COP1: variants seen among roughly 807,000 people sequenced by gnomAD.
COP1 encodes the protein E3 ubiquitin-protein ligase COP1.
A neutral mutation model predicts 101.3 loss-of-function variants in COP1; 24 were observed. That is an observed-to-expected ratio of 0.24 (90% CI 0.17 to 0.33). The LOEUF is 0.33. Ranked by LOEUF, COP1 falls within the 10% of genes least tolerant of loss-of-function variation. The pLI is 1.00. For missense variants in COP1, 663 were observed against 906.2 expected (o/e 0.73, Z 3.45); for synonymous variants, 347 against 341.9 (o/e 1.01, Z -0.17).
chr1:175,993,891 G>C (rs965749504), intron 15 of COP1, among the ~76,000 whole-genome samples: 28 of 152,074 alleles, frequency 1.8e-4, no homozygotes, highest in African/African-American at 6.8e-4. Flanking sequence ...GAAATATAGA[G>C]AACGCCACAA....
chr1:176,051,943 A>T (rs541303629), intron 11 of COP1, among the ~76,000 whole-genome samples: 5 of 152,216 alleles, frequency 3.3e-5, no homozygotes, highest in African/African-American at 1.2e-4. Flanking sequence ...AAGTTATAAA[A>T]TAAAAAGGTT....
chr1:176,118,739 G>A (rs1157946313), intron 8 of COP1, among the ~76,000 whole-genome samples: 1 of 152,082 alleles, frequency 6.6e-6, no homozygotes, highest in Non-Finnish European at 1.5e-5. Context: ...GCAAGAGAGA[G>A]GCCCTGTCTC....
intron 11 of COP1, among the ~76,000 whole-genome samples, chr1:176,076,073 G>T (rs1677943645): frequency 6.6e-6 from 1 of 150,820 alleles, no homozygotes. Context: ...GATCATGGAG[G>T]CAGAACACTA....
chr1:176,174,816 A>G (rs986468410), intron 3 of COP1, among the ~76,000 whole-genome samples: 3 of 152,150 alleles, frequency 2.0e-5, no homozygotes, highest in Non-Finnish European at 4.4e-5. Context: ...ATATAATCCC[A>G]AGAGTGCCCT....
chr1:176,120,723 GATT>G (rs1686976543), intron 8 of COP1, among the ~76,000 whole-genome samples: 2 of 152,090 alleles, frequency 1.3e-5, no homozygotes, highest in South Asian at 4.1e-4. Context: ...CTAGAAAGAA[GATT>G]ATTAAGTCAA....
At chr1:176,076,047 C>T (rs984333297) in intron 11 of COP1, among the ~76,000 whole-genome samples, 8 of 149,636 alleles carry the variant, frequency 5.3e-5, no homozygotes, top group African/African-American at 2.0e-4. Flanking sequence ...CAATACCCCA[C>T]TCACACCATT....
At chr1:176,097,236 A>C (rs951728839) in intron 9 of COP1, among the ~76,000 whole-genome samples, 4 of 152,138 alleles carry the variant, frequency 2.6e-5, no homozygotes, top group Non-Finnish European at 5.9e-5. Context: ...TGAAAAAAAA[A>C]CGACTGAATT....
chr1:176,071,298 G>A (rs1177624011), intron 11 of COP1, among the ~76,000 whole-genome samples: 1 of 151,916 alleles, frequency 6.6e-6, no homozygotes, highest in Admixed American at 6.6e-5. Flanking sequence ...CCATGATGAT[G>A]AGGCCTCCCT....
chr1:176,181,297 C>T (rs58305404), intron 2 of COP1, among the ~76,000 whole-genome samples: 8,992 of 152,062 alleles, frequency 0.059, 606 homozygotes, highest in African/African-American at 0.16. Context: ...TGCTTGAATC[C>T]AGCTTACCAG....
chr1:176,177,341 A>G (rs1270845643), intron 2 of COP1, among the ~76,000 whole-genome samples: 1 of 151,178 alleles, frequency 6.6e-6, no homozygotes, highest in East Asian at 1.9e-4. Context: ...GGTATGAGAA[A>G]AAAATATTAA....
At chr1:176,007,648 G>A (rs1663642624) in intron 15 of COP1, among the ~76,000 whole-genome samples, 3 of 152,034 alleles carry the variant, frequency 2.0e-5, no homozygotes. Context: ...CTCCCAGTTA[G>A]GCTGCTCAGG....
At chr1:176,174,203 A>G (rs1696588634) in intron 3 of COP1, among the ~76,000 whole-genome samples, 1 of 152,058 alleles carries the variant, frequency 6.6e-6, no homozygotes, top group African/African-American at 2.4e-5. Flanking sequence ...ATTCCTTTAT[A>G]TATTTAACCA....
chr1:176,065,784 T>TGCAACCTCCACCCCCTGGGTTCAA (rs1258465337), intron 11 of COP1, among the ~76,000 whole-genome samples: 4 of 148,598 alleles, frequency 2.7e-5, no homozygotes, highest in African/African-American at 9.9e-5. Context: ...CTTGGCTCAC[T>TGCAACCTCCACCCCCTGGGTTCAA]GCAACCTCCA....
chr1:175,951,437 AATATATATATATAT>A (rs765055146), intron 18 of COP1, among the ~76,000 whole-genome samples: 1 of 108,016 alleles, frequency 9.3e-6, no homozygotes, highest in African/African-American at 3.4e-5. Context: ...AAGATACGTG[AATATATATATATAT>A]ATATATATAT....
At chr1:176,186,646 G>C (rs1421680108) in intron 1 of COP1, among the ~76,000 whole-genome samples, 2 of 152,198 alleles carry the variant, frequency 1.3e-5, no homozygotes, top group Admixed American at 6.5e-5. Flanking sequence ...ATTTGGAAAA[G>C]AGGAGTGATG....
At chr1:176,009,109 G>A (rs1276786530) in intron 15 of COP1, among the ~76,000 whole-genome samples, 3 of 152,146 alleles carry the variant, frequency 2.0e-5, no homozygotes, top group African/African-American at 4.8e-5. Flanking sequence ...CTAGGTACAC[G>A]TCAGAGCTTC....
chr1:176,045,388 A>G (rs1671334891), intron 12 of COP1, among the ~76,000 whole-genome samples: 1 of 152,204 alleles, frequency 6.6e-6, no homozygotes, highest in Non-Finnish European at 1.5e-5. Flanking sequence ...AAAGAAAGTT[A>G]TAACAAATAA....
chr1:175,997,951 TTA>T (rs1302284812), intron 15 of COP1, among the ~76,000 whole-genome samples: 1 of 150,954 alleles, frequency 6.6e-6, no homozygotes, highest in Non-Finnish European at 1.5e-5. Flanking sequence ...CATGCACACA[TTA>T]TGTTTATTGC....
chr1:176,005,235 TTC>T (rs1662826512), intron 15 of COP1, among the ~76,000 whole-genome samples: 1 of 152,166 alleles, frequency 6.6e-6, no homozygotes, highest in African/African-American at 2.4e-5. Context: ...TATTTGATTC[TTC>T]TCTCTTTTCT....
Sources: gnomAD v4.1 joint callset for allele counts (sites outside exome capture counted in the v4.1 genomes callset) on GRCh38, gnomAD v4.1.1 for gene constraint, MANE v1.5 for transcripts, NCBI Gene and HGNC (gene_info 2026-07-23, HGNC 2026-07-21) for gene names.